The following NALCN variants were observed in gnomAD, a reference collection of about 807,000 sequenced individuals.
NALCN encodes sodium leak channel NALCN.
Under a neutral mutation model 225.3 loss-of-function variants are expected in NALCN, and 111 were observed. The observed-to-expected ratio is 0.49, with a 90% CI of 0.42 to 0.58. The LOEUF is 0.58. NALCN is among the 20% of genes least tolerant of loss of function. The probability of loss-of-function intolerance (pLI) is 0.00; values close to 1 mark genes in which losing one functional copy is unlikely to be tolerated. For missense variants in NALCN, 1,378 were observed against 2,202.4 expected, an observed-to-expected ratio of 0.63 and a Z score of 7.49; for synonymous variants, 764 against 769.0, an observed-to-expected ratio of 0.99 and a Z score of 0.11.
chr13:101,301,480 C>T (rs1158581246), intron 7 of NALCN, among the ~76,000 whole-genome samples: 2 of 152,028 alleles, frequency 1.3e-5, no homozygotes, highest in African/African-American at 4.8e-5. Flanking sequence ...TCCAGCACTT[C>T]GGGAGGCCAA....
chr13:101,246,335 G>A (rs559511964), intron 11 of NALCN, among the ~76,000 whole-genome samples: 1 of 152,244 alleles, frequency 6.6e-6, no homozygotes, highest in East Asian at 1.9e-4. Flanking sequence ...AAAGAATCAT[G>A]ATGGATATCA....
intron 15 of NALCN, among the ~76,000 whole-genome samples, chr13:101,171,337 A>C (rs1441234932): frequency 6.7e-6 from 1 of 148,984 alleles, no homozygotes; most frequent in Non-Finnish European, 1.5e-5. Context: ...TATTACATAT[A>C]TGTAATACAA....
intron 13 of NALCN, among the ~76,000 whole-genome samples, chr13:101,224,083 T>C (rs1441361996): frequency 1.3e-5 from 2 of 152,156 alleles, no homozygotes; most frequent in African/African-American, 2.4e-5. Flanking sequence ...GGTTTCATTA[T>C]ACCTCTCTCA....
chr13:101,396,477 T>C (rs57514826), intron 2 of NALCN, among the ~76,000 whole-genome samples: 36,219 of 151,972 alleles, frequency 0.24, 5,226 homozygotes, highest in East Asian at 0.44. Context: ...TACTAGCAAA[T>C]ACTCAAGATG....
chr13:101,095,323 AT>A (rs1339806896), intron 28 of NALCN, among the ~76,000 whole-genome samples: 6 of 152,208 alleles, frequency 3.9e-5, no homozygotes, highest in Admixed American at 2.0e-4. Flanking sequence ...TTTCTGAAGT[AT>A]TAGAAAAATA....
intron 1 of NALCN, among the ~76,000 whole-genome samples, chr13:101,413,653 G>A (rs931992981): frequency 2.6e-5 from 4 of 151,948 alleles, no homozygotes; most frequent in African/African-American, 9.7e-5. Context: ...CAGATATTGT[G>A]GTCATCTGTC....
At chr13:101,157,369 A>T (rs1180134167) in intron 15 of NALCN, among the ~76,000 whole-genome samples, 3 of 152,202 alleles carry the variant, frequency 2.0e-5, no homozygotes, top group Non-Finnish European at 4.4e-5. Flanking sequence ...CACTCTTTGA[A>T]GAAATGGCTG....
chr13:101,166,705 T>C (rs2038455458), intron 15 of NALCN, among the ~76,000 whole-genome samples: 2 of 152,212 alleles, frequency 1.3e-5, no homozygotes, highest in African/African-American at 4.8e-5. Context: ...CTATTGATTG[T>C]TTCCTTTGAC....
Position 101,349,678 on chromosome 13 carries a change from G to A in NALCN, c.645-4258C>T, listed in dbSNP as rs1251094007. On this transcript the variant is annotated intron_variant, in intron 6 of 43. Coordinates refer to ENST00000251127, the MANE Select transcript of NALCN (RefSeq NM_052867.4). Reference sequence around the variant, plus strand: ...TAGTCGTGAGCTGACCTTTAGTCATGAGCTGCTCTGAGCTCTGTCTTTGAC... The same window carrying A: ...TAGTCGTGAGCTGACCTTTAGTCATAAGCTGCTCTGAGCTCTGTCTTTGAC... 2.0e-5 allele frequency among the ~76,000 whole-genome samples: 3 copies of A among 152,116 alleles called. No individual in the cohort carries two copies. The East Asian group carries it at 5.8e-4, about 29-fold the overall frequency.
rs748422527 is a variant in NALCN at position 101,107,691 on chromosome 13, C to T, written c.2456+7G>A. The stretch of plus-strand genomic sequence containing the variant: ...TGAGAGCCATGGGACACTGCAGCAA[C>T]CTGTACCTTTTCATCTCTGCTTGCT... On this transcript the variant is annotated splice_region_variant and intron_variant, in intron 21 of 43. Transcript: ENST00000251127. 2 of 1,613,942 alleles carry T rather than the reference C, an allele frequency of 1.2e-6. No homozygotes were observed. Among genetic ancestry groups the T allele is most frequent in the Non-Finnish European group, 1.7e-6 (2 of 1,179,930 alleles).
At chr13:101,407,514 C>T (rs1295444992) in intron 1 of NALCN, among the ~76,000 whole-genome samples, 2 of 152,120 alleles carry the variant, frequency 1.3e-5, no homozygotes, top group African/African-American at 4.8e-5. Flanking sequence ...TAGAAGCAAG[C>T]TTAGACATTA....
intron 6 of NALCN, among the ~76,000 whole-genome samples, chr13:101,366,732 G>A (rs935858976): frequency 5.3e-5 from 8 of 151,940 alleles, no homozygotes; most frequent in African/African-American, 1.5e-4. Flanking sequence ...TGGTTACATC[G>A]GGCCAATTAA....
intron 1 of NALCN, among the ~76,000 whole-genome samples, 170 bp from the exon 2 acceptor site, chr13:101,399,335 A>T (rs1006096078): frequency 6.6e-6 from 1 of 152,218 alleles, no homozygotes; most frequent in South Asian, 2.1e-4. Flanking sequence ...AATTAATACC[A>T]ACAGAAGCTT....
At chr13:101,302,579 G>A (rs916285429) in intron 7 of NALCN, among the ~76,000 whole-genome samples, 2 of 151,956 alleles carry the variant, frequency 1.3e-5, no homozygotes, top group African/African-American at 2.4e-5. Flanking sequence ...TTTGTATTAC[G>A]ATAAATACCA....
chr13:101,277,749 G>A (rs112596042), intron 10 of NALCN, among the ~76,000 whole-genome samples: 1 of 151,936 alleles, frequency 6.6e-6, no homozygotes, highest in Non-Finnish European at 1.5e-5. Context: ...ATAGAGTCAC[G>A]GACAAAGAGA....
At chr13:101,400,739 A>G (rs2047452735) in intron 1 of NALCN, among the ~76,000 whole-genome samples, 1 of 152,084 alleles carries the variant, frequency 6.6e-6, no homozygotes, top group East Asian at 1.9e-4. Flanking sequence ...ATCTCTGCCT[A>G]ACTCTCCTGA....
chr13:101,151,427 A>T lies in NALCN; in HGVS notation c.1840-6531T>A, dbSNP rs1217786988. On this transcript the variant is annotated intron_variant, in intron 15 of 43. Transcript: ENST00000251127. ...ATGATTTCCCAAAAGAAAACAATTTAAAAAACATTCAGACTTGGGAGATTC... is the reference window on the plus strand; with the variant it reads ...ATGATTTCCCAAAAGAAAACAATTTTAAAAACATTCAGACTTGGGAGATTC... Among the ~76,000 whole-genome samples the T allele has an allele frequency of 3.9e-5, 6 of 152,370 alleles. No homozygotes were observed. The East Asian group carries it at 7.7e-4, about 20-fold the overall frequency.
intron 17 of NALCN, among the ~76,000 whole-genome samples, chr13:101,140,552 A>G (rs1357761331): frequency 6.6e-6 from 1 of 152,198 alleles, no homozygotes; most frequent in Non-Finnish European, 1.5e-5. Context: ...GACAGCCCAG[A>G]CTTCTGGCTT....
intron 10 of NALCN, among the ~76,000 whole-genome samples, chr13:101,259,751 T>TACAC (rs3061764): frequency 1.2e-4 from 16 of 131,952 alleles, no homozygotes; most frequent in Non-Finnish European, 1.5e-4. Context: ...TATATATATA[T>TACAC]ACACACACAC....
Sources: gnomAD v4.1 joint callset for allele counts (sites outside exome capture counted in the v4.1 genomes callset) on GRCh38, gnomAD v4.1.1 for gene constraint, MANE v1.5 for transcripts, NCBI Gene and HGNC (gene_info 2026-07-23, HGNC 2026-07-21) for gene names.